BCL7A: variants seen among roughly 807,000 people sequenced by gnomAD.
BCL7A encodes BAF chromatin remodeling complex subunit BCL7A.
BCL7A carries 11 observed loss-of-function variants against 28.4 expected under a neutral mutation model. The observed-to-expected ratio is 0.39, with a 90% confidence interval of 0.24 to 0.64. The LOEUF (loss-of-function observed/expected upper bound fraction) is 0.64, where lower values mean the gene tolerates loss of function less well. Among genes scored for constraint, BCL7A ranks in the 30% least tolerant of loss-of-function variants. The probability of loss-of-function intolerance (pLI) is 0.50; values close to 1 mark genes in which losing one functional copy is unlikely to be tolerated. For missense variants in BCL7A, 222 were observed against 274.8 expected, an observed-to-expected ratio of 0.81 and a Z score of 1.36; for synonymous variants, 123 against 103.3, an observed-to-expected ratio of 1.19 and a Z score of -1.15.
chr12:122,030,882 T>G, intron 2 of BCL7A, 101 bp downstream of exon 2: 1 of 1,255,340 alleles, frequency 8.0e-7, no homozygotes. Context: ...GCTGGGGCTC[T>G]GGGACCAAGA....
chr12:122,051,908 CTG>C (rs1884199843), intron 4 of BCL7A, among the ~76,000 whole-genome samples: 2 of 111,406 alleles, frequency 1.8e-5, no homozygotes, highest in African/African-American at 6.9e-5. Flanking sequence ...AAGTCTCACT[CTG>C]TCACCCAGGC....
chr12:122,022,154 C>T lies in BCL7A; in HGVS notation c.63C>T (p.Val21=), dbSNP rs1019086127. The change falls in exon 1 of 6, where the codon GTC becomes GTT. Residue 21 remains valine, a synonymous_variant. Transcript: ENST00000261822. The part of the protein sequence containing the change: ...RSRAKDDIKR[V]MAAIEKVRKW... ...GGGCCAAAGATGATATCAAGAGGGTCATGGCGGCGATCGAGAAAGTGCGCA... is the reference window on the plus strand; with the variant it reads ...GGGCCAAAGATGATATCAAGAGGGTTATGGCGGCGATCGAGAAAGTGCGCA... The T allele has an allele frequency of 1.9e-6, 3 of 1,572,350 alleles. No individual in the cohort carries two copies. In the African/African-American group the frequency reaches 4.2e-5, roughly 22 times the overall value.
rs938404692 is a variant in BCL7A, at chr12:122,055,555, C to T, written c.561+629C>T. On this transcript the variant is annotated intron_variant, in intron 5 of 5. Transcript: ENST00000261822. ...CTTGGGTAAAACACTTAGCATGGAG[C>T]GGACACAAGATGCAGAGGTGTCATT... Among the ~76,000 whole-genome samples, 11 of 152,256 alleles carry T rather than the reference C, an allele frequency of 7.2e-5. 1 individual carries two copies. The highest frequency in any genetic ancestry group is 5.2e-4 in the Admixed American group (8 of 15,294).
At chr12:122,052,472 C>T (rs1355957200) in intron 4 of BCL7A, among the ~76,000 whole-genome samples, 1 of 152,146 alleles carries the variant, frequency 6.6e-6, no homozygotes, top group Non-Finnish European at 1.5e-5. Flanking sequence ...CAGAAAGAAA[C>T]CTTGCACCCA....
chr12:122,058,240 C>T (rs1951891635), intron 5 of BCL7A, among the ~76,000 whole-genome samples: 1 of 152,130 alleles, frequency 6.6e-6, no homozygotes, highest in African/African-American at 2.4e-5. Flanking sequence ...TGCGGTGGCT[C>T]ACGCCTGTAA....
At chr12:122,050,307 G>C (rs568573973) in intron 4 of BCL7A, among the ~76,000 whole-genome samples, 1 of 151,732 alleles carries the variant, frequency 6.6e-6, no homozygotes, top group Non-Finnish European at 1.5e-5. Flanking sequence ...GTGGGGGGGG[G>C]GCCATCCTGT....
At chr12:122,027,786 G>A (rs756126437) in intron 1 of BCL7A, among the ~76,000 whole-genome samples, 64 of 151,202 alleles carry the variant, frequency 4.2e-4, no homozygotes, top group Non-Finnish European at 7.2e-4. Context: ...GCAGTGAGCC[G>A]AGATTGTGCC....
intron 4 of BCL7A, among the ~76,000 whole-genome samples, chr12:122,052,891 T>C (rs1884224044): frequency 7.3e-6 from 1 of 137,582 alleles, no homozygotes; most frequent in African/African-American, 2.7e-5. Flanking sequence ...GGGTTTGCCA[T>C]GTTGGCCAGG....
intron 1 of BCL7A, among the ~76,000 whole-genome samples, chr12:122,024,308 G>C (rs1311923768): frequency 1.3e-5 from 2 of 152,320 alleles, no homozygotes; most frequent in East Asian, 1.9e-4. Flanking sequence ...GTGACCCGGG[G>C]TTTTGTGCTT....
chr12:122,034,851 T>G (rs1883818698), intron 2 of BCL7A, among the ~76,000 whole-genome samples: 1 of 152,142 alleles, frequency 6.6e-6, no homozygotes, highest in African/African-American at 2.4e-5. Context: ...TAACTCCTCT[T>G]GCGCTTTTGT....
At chr12:122,046,060 TAAA>T (rs776315126) in intron 4 of BCL7A, among the ~76,000 whole-genome samples, 4 of 62,860 alleles carry the variant, frequency 6.4e-5, no homozygotes, top group Admixed American at 2.2e-4. Flanking sequence ...GAGACCTTGC[TAAA>T]AAAAAAAAAA....
Position 122,021,922 on chromosome 12 carries a change from G to GTGTGTA in BCL7A, c.-165_-164insATGTGT, listed in dbSNP as rs749879647. 0.011 allele frequency: 4,541 copies of GTGTGTA among 417,892 alleles called. 65 individuals carry two copies. Among genetic ancestry groups the GTGTGTA allele is most frequent in the African/African-American group, 0.063 (2,124 of 33,742 alleles). 25.9% of individuals were successfully genotyped at this position (417,892 alleles called of 1,614,324 possible). On this transcript the variant is annotated 5_prime_UTR_variant, in exon 1 of 6. The change creates a new upstream start codon in the 5' untranslated region. Transcript: ENST00000261822. Reference sequence around the variant, plus strand: ...CGCGCGGCGGCCCCGGGCTTTGTGTGTGTGTGTATGTGTGTGTGTGTGTGT... The same window carrying GTGTGTA: ...CGCGCGGCGGCCCCGGGCTTTGTGTGTGTGTATGTGTGTATGTGTGTGTGTGTGTGT...
chr12:122,053,331 C>T (rs1884238149), intron 4 of BCL7A, among the ~76,000 whole-genome samples: 1 of 152,210 alleles, frequency 6.6e-6, no homozygotes, highest in South Asian at 2.1e-4. Context: ...GTCAACCCTG[C>T]TCAGACTCCC....
In BCL7A at chr12:122,021,935, T is replaced by TGTGG. The variant is rs1883464289; in HGVS notation, c.-154_-153insGGTG. The TGTGG allele has an allele frequency of 7.4e-6, 4 of 542,734 alleles. No individual in the cohort carries two copies. The highest frequency in any genetic ancestry group is 1.3e-5 in the Non-Finnish European group (4 of 304,910). The allele number at this position is 542,734 out of a possible 1,614,324, so 33.6% of individuals were successfully genotyped here. A position where few individuals can be genotyped will look rare whatever the true frequency, so the allele number is the denominator to read the frequency against. ...CGGGCTTTGTGTGTGTGTGTATGTGTGTGTGTGTGTGTGTGTGTGTGTGAG... is the reference window on the plus strand; with the variant it reads ...CGGGCTTTGTGTGTGTGTGTATGTGTGTGGGTGTGTGTGTGTGTGTGTGTGTGAG... On this transcript the variant is annotated 5_prime_UTR_variant, in exon 1 of 6. It removes the in-frame stop codon of an upstream open reading frame in the 5' UTR. Transcript: ENST00000261822.
At chr12:122,022,776 A>C in intron 1 of BCL7A, among the ~76,000 whole-genome samples, 1 of 151,066 alleles carries the variant, frequency 6.6e-6, no homozygotes, top group South Asian at 2.1e-4. Flanking sequence ...GAGCCGTTTA[A>C]ATTTAGCGCT....
intron 4 of BCL7A, among the ~76,000 whole-genome samples, chr12:122,048,364 AGTC>A (rs1884119346): frequency 6.6e-6 from 1 of 152,122 alleles, no homozygotes; most frequent in African/African-American, 2.4e-5. Flanking sequence ...TTGAGTTCAT[AGTC>A]ACCGCTGTGA....
intron 1 of BCL7A, among the ~76,000 whole-genome samples, chr12:122,023,941 G>C (rs1167030201): frequency 6.6e-6 from 1 of 152,206 alleles, no homozygotes; most frequent in South Asian, 2.1e-4. Context: ...TTCTCTGCTC[G>C]AGGAGGCGTG....
Position 122,029,589 on chromosome 12 carries a change from C to T in BCL7A, c.93-1111C>T, listed in dbSNP as rs557427614. 2.6e-5 allele frequency among the ~76,000 whole-genome samples: 4 copies of T among 152,296 alleles called. No homozygotes were observed. The East Asian group carries it at 5.8e-4, about 22-fold the overall frequency. Reference sequence around the variant, plus strand: ...AGCTACGTCGCCTGTACCAGGGGTGCGCCTGCCCCAACAGTGCCTGCTGGG... The same window carrying T: ...AGCTACGTCGCCTGTACCAGGGGTGTGCCTGCCCCAACAGTGCCTGCTGGG... On this transcript the variant is annotated intron_variant, in intron 1 of 5. Coordinates refer to ENST00000261822, the MANE Select transcript of BCL7A (RefSeq NM_001024808.3). This position sits in a 1 kb window ranked among gnomAD's most constrained non-coding sequence, Gnocchi z 4.3.
intron 2 of BCL7A, among the ~76,000 whole-genome samples, chr12:122,032,700 A>G (rs1268649501): frequency 1.3e-5 from 2 of 152,216 alleles, no homozygotes; most frequent in African/African-American, 2.4e-5. Context: ...GTAATGGAGC[A>G]GTAACATCCA....
Sources: gnomAD v4.1 joint callset for allele counts (sites outside exome capture counted in the v4.1 genomes callset) on GRCh38, gnomAD v4.1.1 for gene constraint, Gnocchi (gnomAD v3.1) non-coding constraint, MANE v1.5 for transcripts, NCBI Gene and HGNC (gene_info 2026-07-23, HGNC 2026-07-21) for gene names.